The following TPD52 variants were observed in gnomAD, a reference collection of about 807,000 sequenced individuals.
TPD52 encodes tumor protein D52.
Under a neutral mutation model 31.3 loss-of-function variants are expected in TPD52, and 17 were observed. The observed-to-expected ratio is 0.54, with a 90% confidence interval of 0.37 to 0.82. The LOEUF (loss-of-function observed/expected upper bound fraction) is 0.82. Ranked by LOEUF, TPD52 falls within the 40% of genes least tolerant of loss-of-function variation. The probability of loss-of-function intolerance (pLI) is 0.00; values close to 1 mark genes in which losing one functional copy is unlikely to be tolerated. For synonymous variants in TPD52, 83 were observed against 89.6 expected, an observed-to-expected ratio of 0.93 and a Z score of 0.42; for missense variants, 212 against 240.1, an observed-to-expected ratio of 0.88 and a Z score of 0.77.
intron 1 of TPD52, among the ~76,000 whole-genome samples, chr8:80,117,730 C>T (rs1415901710): frequency 7.0e-5 from 7 of 99,852 alleles, no homozygotes; most frequent in South Asian, 3.2e-4. Context: ...CTTTTTTTTT[C>T]TTTCTTTTTT....
intron 1 of TPD52, among the ~76,000 whole-genome samples, chr8:80,065,297 A>G (rs1813006061): frequency 9.9e-6 from 1 of 100,930 alleles, no homozygotes; most frequent in South Asian, 3.7e-4. Context: ...ATCTATATCT[A>G]TCTATCTATA....
intron 5 of TPD52, among the ~76,000 whole-genome samples, chr8:80,048,239 C>T (rs1811061832): frequency 6.6e-6 from 1 of 152,164 alleles, no homozygotes; most frequent in Non-Finnish European, 1.5e-5. Context: ...CCTTATACAT[C>T]TCCCTCCCCT....
At chr8:80,103,179 C>T (rs1238643372) in intron 1 of TPD52, among the ~76,000 whole-genome samples, 1 of 152,070 alleles carries the variant, frequency 6.6e-6, no homozygotes, top group East Asian at 1.9e-4. Flanking sequence ...TCATGGAAAC[C>T]CCAATTTACA....
chr8:80,141,782 G>T (rs943657055), intron 1 of TPD52, among the ~76,000 whole-genome samples: 1 of 151,932 alleles, frequency 6.6e-6, no homozygotes, highest in African/African-American at 2.4e-5. Flanking sequence ...TGGTGGTGCG[G>T]GCCTGTTGTC....
At chr8:80,143,084 A>T (rs1403484944) in intron 1 of TPD52, among the ~76,000 whole-genome samples, 1 of 152,230 alleles carries the variant, frequency 6.6e-6, no homozygotes, top group Non-Finnish European at 1.5e-5. Flanking sequence ...ACTATGAACC[A>T]TATGAACTAG....
intron 1 of TPD52, among the ~76,000 whole-genome samples, chr8:80,106,207 G>T (rs1400122123): frequency 6.6e-6 from 1 of 152,096 alleles, no homozygotes; most frequent in African/African-American, 2.4e-5. Context: ...GAAGAATGGG[G>T]TGTCCATCCC....
chr8:80,045,737 G>A (rs917170401), intron 5 of TPD52, among the ~76,000 whole-genome samples: 4 of 152,210 alleles, frequency 2.6e-5, no homozygotes, highest in Non-Finnish European at 5.9e-5. Flanking sequence ...GATGGAGCTG[G>A]TTTGGGTGGA....
chr8:80,079,194 A>G (rs1182357524), intron 1 of TPD52, among the ~76,000 whole-genome samples: 1 of 152,166 alleles, frequency 6.6e-6, no homozygotes, highest in Non-Finnish European at 1.5e-5. Flanking sequence ...CCCCTTTATT[A>G]CAGAGGTCTG....
chr8:80,159,957 G>A (rs1281957258), intron 1 of TPD52, among the ~76,000 whole-genome samples: 3 of 152,168 alleles, frequency 2.0e-5, no homozygotes, highest in African/African-American at 4.8e-5. Context: ...TCGGTAGGCC[G>A]AGGGAGGAGG....
At chr8:80,077,866 C>T (rs1030361205) in intron 1 of TPD52, among the ~76,000 whole-genome samples, 11 of 152,178 alleles carry the variant, frequency 7.2e-5, no homozygotes, top group Non-Finnish European at 5.9e-5. Flanking sequence ...GATTCTGAAA[C>T]TATTATAAAT....
chr8:80,042,473 T>C, intron 7 of TPD52, 147 bp downstream of exon 7: 1 of 1,418,120 alleles, frequency 7.1e-7, no homozygotes, highest in Non-Finnish European at 9.2e-7. Flanking sequence ...ACACCTTAAA[T>C]GTCCACTAGT....
chr8:80,099,276 C>T (rs1192464418), intron 1 of TPD52, among the ~76,000 whole-genome samples: 1 of 152,102 alleles, frequency 6.6e-6, no homozygotes, highest in Non-Finnish European at 1.5e-5. Context: ...AAGGAAATAA[C>T]GGCCCTATTA....
chr8:80,117,974 C>T (rs533868206), intron 1 of TPD52, among the ~76,000 whole-genome samples: 6 of 151,854 alleles, frequency 4.0e-5, no homozygotes, highest in Non-Finnish European at 7.4e-5. Context: ...CCTCGTGATC[C>T]GCCCACCTCA....
intron 1 of TPD52, among the ~76,000 whole-genome samples, chr8:80,147,600 C>T (rs1810284107): frequency 6.6e-6 from 1 of 152,142 alleles, no homozygotes; most frequent in East Asian, 1.9e-4. Flanking sequence ...TTTGTTGATT[C>T]TTTAGCACTA....
At chr8:80,148,393 G>A (rs187189096) in intron 1 of TPD52, among the ~76,000 whole-genome samples, 1 of 151,098 alleles carries the variant, frequency 6.6e-6, no homozygotes, top group East Asian at 2.0e-4. Flanking sequence ...AAACTCCTGG[G>A]ATCAAGCAAT....
At chr8:80,142,434 G>T (rs1171355999) in intron 1 of TPD52, among the ~76,000 whole-genome samples, 1 of 152,156 alleles carries the variant, frequency 6.6e-6, no homozygotes, top group Non-Finnish European at 1.5e-5. Context: ...AAATAAAGCA[G>T]GTCAGCAAAA....
chr8:80,073,130 G>A (rs556984448), intron 1 of TPD52, among the ~76,000 whole-genome samples: 3 of 151,140 alleles, frequency 2.0e-5, no homozygotes, highest in South Asian at 4.2e-4. Flanking sequence ...AAGAAGGAAA[G>A]AAATAAAGGT....
At chr8:80,122,370 A>C (rs1808316539) in intron 1 of TPD52, among the ~76,000 whole-genome samples, 1 of 152,212 alleles carries the variant, frequency 6.6e-6, no homozygotes, top group South Asian at 2.1e-4. Flanking sequence ...AAGATTAAAA[A>C]GTGAGTAAAG....
chr8:80,070,339 C>T (rs576690111), intron 1 of TPD52, among the ~76,000 whole-genome samples: 49 of 152,178 alleles, frequency 3.2e-4, no homozygotes, highest in Non-Finnish European at 5.3e-4. Flanking sequence ...CATTGTCATA[C>T]AATTTTAGAT....
Sources: allele counts gnomAD v4.1 joint callset (sites outside exome capture counted in the v4.1 genomes callset), GRCh38; gene constraint gnomAD v4.1.1; transcripts MANE v1.5; gene names NCBI Gene and HGNC (gene_info 2026-07-23, HGNC 2026-07-21).